Variants in MTMR7 observed in about 807,000 individuals in gnomAD.
MTMR7 encodes myotubularin related protein 7.
A neutral mutation model predicts 81.2 loss-of-function variants in MTMR7; 76 were observed. The ratio of observed to expected loss-of-function variants is 0.94; its 90% CI spans 0.78 to 1.13. MTMR7 has a LOEUF of 1.13. Among genes scored for constraint, MTMR7 ranks in the 50% most tolerant of loss-of-function variants. MTMR7 has a pLI of 0.00. For synonymous variants in MTMR7, 372 were observed against 289.8 expected (o/e 1.28, Z -2.88); for missense variants, 1,044 against 820.0 (o/e 1.27, Z -3.34).
At position 17,304,501 on chromosome 8, in the gene MTMR7, G is replaced by C; in HGVS notation, c.1371C>G (p.Tyr457Ter). 2 of 1,613,530 alleles carry C rather than the reference G, an allele frequency of 1.2e-6. No individual in the cohort carries two copies. Among genetic ancestry groups the C allele is most frequent in the Non-Finnish European group, 1.7e-6 (2 of 1,179,594 alleles). ...RRELKIQERTYSLWAHLWKNR... is the reference protein window; with the variant it reads ...RRELKIQERT ...TCTTCCACAGGTGAGCCCATAATGAGTATGTTCTTTCTTGAATCCTGTTAT... is the reference window on the plus strand; with the variant it reads ...TCTTCCACAGGTGAGCCCATAATGACTATGTTCTTTCTTGAATCCTGTTAT... The change falls in exon 12 of 14, where the codon TAC becomes TAG. Residue 457 changes from tyrosine (Y) to a stop codon, truncating the protein, a stop_gained. Coordinates refer to ENST00000180173, the MANE Select transcript of MTMR7 (RefSeq NM_004686.5). LOFTEE classifies it high-confidence loss of function.
At chr8:17,410,779 A>T (rs972667607) in intron 1 of MTMR7, among the ~76,000 whole-genome samples, 2 of 152,236 alleles carry the variant, frequency 1.3e-5, no homozygotes, top group African/African-American at 4.8e-5. Flanking sequence ...GCTGTCATGG[A>T]TATTACACAG....
intron 6 of MTMR7, among the ~76,000 whole-genome samples, chr8:17,336,827 T>A (rs968629615): frequency 2.0e-5 from 3 of 152,128 alleles, no homozygotes; most frequent in African/African-American, 7.2e-5. Context: ...TCAGAGGTGG[T>A]AACCCCACAG....
intron 1 of MTMR7, among the ~76,000 whole-genome samples, chr8:17,399,603 A>G (rs1451451802): frequency 6.6e-6 from 1 of 152,142 alleles, no homozygotes; most frequent in African/African-American, 2.4e-5. Context: ...TGCCAATGCC[A>G]CTCTTGACAG....
intron 1 of MTMR7, among the ~76,000 whole-genome samples, chr8:17,392,214 G>A (rs566106080): frequency 1.2e-3 from 177 of 152,276 alleles, no homozygotes; most frequent in Middle Eastern, 0.01. Context: ...ATGTACATCT[G>A]TGAAAACAAG....
intron 4 of MTMR7, among the ~76,000 whole-genome samples, chr8:17,358,646 T>C (rs573928967): frequency 8.5e-5 from 13 of 152,288 alleles, no homozygotes; most frequent in African/African-American, 2.9e-4. Flanking sequence ...TCCCCAAATA[T>C]GAATTCTATA....
chr8:17,321,713 A>G (rs1055538309), intron 7 of MTMR7, among the ~76,000 whole-genome samples: 3 of 152,226 alleles, frequency 2.0e-5, no homozygotes, highest in Non-Finnish European at 2.9e-5. Flanking sequence ...TTTGCTGAAC[A>G]AAGTTCATTT....
At position 17,296,805 on chromosome 8, in the gene MTMR7, AGT is replaced by A. The variant is rs1335142291; in HGVS notation, c.*3055_*3056del. 3.3e-5 allele frequency: 5 copies of A among 152,166 alleles called. No individual in the cohort carries two copies. The highest frequency in any genetic ancestry group is 1.2e-4 in the African/African-American group (5 of 41,454). The allele number at this position is 152,166 out of a possible 1,614,324, so 9.4% of individuals were successfully genotyped here. The stretch of plus-strand genomic sequence containing the variant: ...CATAATCACATGAGTAGTTCATCTC[AGT>A]GTTTTTTATTCTTTAAAGTTGAACT... On this transcript the variant is annotated 3_prime_UTR_variant, in exon 14 of 14. Transcript: ENST00000180173.
intron 1 of MTMR7, among the ~76,000 whole-genome samples, chr8:17,390,620 C>T (rs1268687627): frequency 1.3e-5 from 2 of 151,866 alleles, no homozygotes; most frequent in Non-Finnish European, 2.9e-5. Context: ...AAAGATAGTA[C>T]CCAAGACTGG....
At chr8:17,411,454 C>T (rs1821731743) in intron 1 of MTMR7, among the ~76,000 whole-genome samples, 1 of 152,156 alleles carries the variant, frequency 6.6e-6, no homozygotes, top group Non-Finnish European at 1.5e-5. Flanking sequence ...TTCCTGGACG[C>T]TTCCAGCACT....
intron 1 of MTMR7, among the ~76,000 whole-genome samples, chr8:17,402,344 T>C (rs1268233887): frequency 6.6e-6 from 1 of 152,200 alleles, no homozygotes; most frequent in East Asian, 1.9e-4. Flanking sequence ...GTCTTACTCA[T>C]TCTTTCTAAC....
intron 1 of MTMR7, among the ~76,000 whole-genome samples, chr8:17,406,929 T>C (rs1821601293): frequency 6.6e-6 from 1 of 152,128 alleles, no homozygotes; most frequent in Non-Finnish European, 1.5e-5. Flanking sequence ...AGACAGAATG[T>C]ATATTTAGTG....
intron 1 of MTMR7, among the ~76,000 whole-genome samples, chr8:17,413,014 C>A (rs1401586537): frequency 1.3e-5 from 2 of 152,240 alleles, no homozygotes; most frequent in Non-Finnish European, 2.9e-5. Flanking sequence ...CCCGTTCACC[C>A]TTGTGTCCAC....
In MTMR7 at chr8:17,298,497, C is replaced by T. The variant is rs574473653; in HGVS notation, c.*1365G>A. 4.0e-4 allele frequency: 61 copies of T among 152,428 alleles called. No homozygotes were observed. The highest frequency in any genetic ancestry group is 1.4e-3 in the African/African-American group (60 of 41,468). 9.4% of individuals were successfully genotyped at this position (152,428 alleles called of 1,614,324 possible). On this transcript the variant is annotated 3_prime_UTR_variant, in exon 14 of 14. Coordinates refer to ENST00000180173, the MANE Select transcript of MTMR7 (RefSeq NM_004686.5). ...CATACTAGAGAGATCAGCAATGTTG[C>T]TTTCTTGCCCTCGTCCTCATTTCAG...
chr8:17,341,580 G>C, intron 5 of MTMR7, 83 bp from the exon 6 acceptor site: 3 of 1,512,244 alleles, frequency 2.0e-6, no homozygotes, highest in South Asian at 2.4e-5. Context: ...CCAGAACAAA[G>C]AGCCCTTGGC....
In MTMR7 at chr8:17,311,499, G is replaced by A; in HGVS notation, c.1101+12C>T. The A allele has an allele frequency of 6.2e-7, 1 of 1,614,042 alleles. No homozygotes were observed. Among genetic ancestry groups the A allele is most frequent in the Non-Finnish European group, 8.5e-7 (1 of 1,179,984 alleles). ...GCACCGCCTGTGGGAATCGCCCAGT[G>A]GCCACACTCACCATGAAGCCCTTCA... On this transcript the variant is annotated intron_variant, in intron 9 of 13. Coordinates refer to ENST00000180173, the MANE Select transcript of MTMR7 (RefSeq NM_004686.5).
chr8:17,359,195 G>A (rs1819987390), intron 4 of MTMR7, among the ~76,000 whole-genome samples: 1 of 152,106 alleles, frequency 6.6e-6, no homozygotes, highest in Non-Finnish European at 1.5e-5. Flanking sequence ...ACCATGCCTG[G>A]CTTAAATGCG....
intron 3 of MTMR7, among the ~76,000 whole-genome samples, chr8:17,363,631 T>G (rs181613311): frequency 6.6e-6 from 1 of 152,226 alleles, no homozygotes; most frequent in Non-Finnish European, 1.5e-5. Context: ...GATCAACCAA[T>G]CCTTATGCCC....
At chr8:17,356,273 C>T (rs987735999) in intron 4 of MTMR7, among the ~76,000 whole-genome samples, 81 of 152,078 alleles carry the variant, frequency 5.3e-4, no homozygotes, top group Admixed American at 1.0e-3. Context: ...CTTAATCATA[C>T]GGATAGAGCA....
intron 4 of MTMR7, among the ~76,000 whole-genome samples, chr8:17,356,762 T>C (rs943213945): frequency 3.3e-5 from 5 of 152,022 alleles, no homozygotes; most frequent in African/African-American, 9.7e-5. Context: ...GTGTATGCTA[T>C]TAAATCCACA....
Sources: gnomAD v4.1 joint callset for allele counts (sites outside exome capture counted in the v4.1 genomes callset) on GRCh38, gnomAD v4.1.1 for gene constraint, MANE v1.5 for transcripts, NCBI Gene and HGNC (gene_info 2026-07-23, HGNC 2026-07-21) for gene names.